The following NEO1 variants were observed in gnomAD, a reference collection of about 807,000 sequenced individuals.
NEO1 encodes the protein neogenin.
A neutral mutation model predicts 159.7 loss-of-function variants in NEO1; 63 were observed. The observed-to-expected ratio is 0.39, with a 90% CI of 0.32 to 0.49. The LOEUF (loss-of-function observed/expected upper bound fraction) is 0.49. Ranked by LOEUF, NEO1 falls within the 20% of genes least tolerant of loss-of-function variation. The pLI is 0.85. For synonymous variants in NEO1, 633 were observed against 662.0 expected, an observed-to-expected ratio of 0.96 and a Z score of 0.67; for missense variants, 1,615 against 1,831.0, an observed-to-expected ratio of 0.88 and a Z score of 2.15.
chr15:73,143,839 C>T (rs748055077), intron 5 of NEO1, among the ~76,000 whole-genome samples: 2 of 152,138 alleles, frequency 1.3e-5, no homozygotes, highest in Non-Finnish European at 2.9e-5. Context: ...TTTTCTTAAC[C>T]ATCCCCTCAT....
chr15:73,131,356 G>A (rs1021230090), intron 4 of NEO1, among the ~76,000 whole-genome samples: 2 of 152,122 alleles, frequency 1.3e-5, no homozygotes, highest in African/African-American at 4.8e-5. Flanking sequence ...CGAAGAAAGA[G>A]GTCTCCTCAG....
intron 13 of NEO1, among the ~76,000 whole-genome samples, chr15:73,256,896 C>T (rs2040380686): frequency 6.6e-6 from 1 of 151,910 alleles, no homozygotes; most frequent in African/African-American, 2.4e-5. Context: ...TGAGACCAGC[C>T]TGAGCAACAT....
chr15:73,264,301 T>G (rs1380085932), intron 15 of NEO1, among the ~76,000 whole-genome samples: 2 of 152,186 alleles, frequency 1.3e-5, no homozygotes, highest in Non-Finnish European at 2.9e-5. Flanking sequence ...GATCTTCAGG[T>G]GCTTTCAGTC....
intron 7 of NEO1, among the ~76,000 whole-genome samples, chr15:73,180,515 C>T (rs1452427671): frequency 6.6e-6 from 1 of 152,096 alleles, no homozygotes; most frequent in Admixed American, 6.6e-5. Context: ...TTTCTTTTTA[C>T]TTGTGGCAGT....
chr15:73,145,095 A>G (rs1242492900), intron 5 of NEO1, among the ~76,000 whole-genome samples: 1 of 152,214 alleles, frequency 6.6e-6, no homozygotes, highest in African/African-American at 2.4e-5. Flanking sequence ...GCAATGATAT[A>G]AATGGTGCTT....
chr15:73,056,176 C>T (rs1165572547), intron 1 of NEO1, among the ~76,000 whole-genome samples: 1 of 152,224 alleles, frequency 6.6e-6, no homozygotes, highest in African/African-American at 2.4e-5. Flanking sequence ...AATAAAGCCT[C>T]ATCTCTTGTC....
intron 7 of NEO1, among the ~76,000 whole-genome samples, chr15:73,198,916 A>T (rs2036694054): frequency 6.6e-6 from 1 of 151,580 alleles, no homozygotes; most frequent in Non-Finnish European, 1.5e-5. Flanking sequence ...CCCTATATTT[A>T]ACATCTTAAT....
intron 1 of NEO1, among the ~76,000 whole-genome samples, chr15:73,097,988 A>G (rs538358035): frequency 6.6e-6 from 1 of 152,078 alleles, no homozygotes; most frequent in South Asian, 2.1e-4. Context: ...TTATACTTTA[A>G]TGTTACTGAT....
At chr15:73,101,860 C>G (rs2070419267) in intron 1 of NEO1, among the ~76,000 whole-genome samples, 1 of 152,190 alleles carries the variant, frequency 6.6e-6, no homozygotes. Context: ...GCTCAAGTCT[C>G]TCCTCTATTG....
intron 7 of NEO1, among the ~76,000 whole-genome samples, chr15:73,215,698 G>A (rs894937522): frequency 3.9e-5 from 6 of 152,080 alleles, no homozygotes; most frequent in African/African-American, 9.7e-5. Context: ...ATTTTGTTAC[G>A]GATTTTAGCA....
chr15:73,278,168 C>G lies in NEO1; in HGVS notation c.3231C>G (p.Asp1077Glu). ...GSGGKGSRLP[D>E]LGSDYKPPMS... ...GAGGGAAAGGAAGCCGGCTGCCAGA[C>G]CTAGGATCCGACTACAAACCTCCAA... The change falls in exon 22 of 29, where the codon GAC (aspartate) becomes GAG (glutamate). Residue 1077 changes from aspartate to glutamate, a missense_variant. Asp to Glu is a conservative substitution (Grantham distance 45). Coordinates refer to ENST00000261908, the MANE Select transcript of NEO1 (RefSeq NM_002499.4). 1 of 1,613,258 alleles carries G rather than the reference C, an allele frequency of 6.2e-7. No homozygotes were observed. The highest frequency in any genetic ancestry group is 1.1e-5 in the South Asian group (1 of 91,000).
intron 5 of NEO1, among the ~76,000 whole-genome samples, chr15:73,173,780 A>G (rs2035115121): frequency 6.6e-6 from 1 of 152,192 alleles, no homozygotes; most frequent in Non-Finnish European, 1.5e-5. Context: ...TATACTAGGC[A>G]TTTGAACAGA....
intron 6 of NEO1, among the ~76,000 whole-genome samples, chr15:73,177,612 T>G (rs1467250122): frequency 1.3e-5 from 2 of 152,198 alleles, no homozygotes; most frequent in Non-Finnish European, 2.9e-5. Flanking sequence ...AGTGGTTTGA[T>G]CATAGCTCAC....
At chr15:73,125,712 A>G (rs760673133) in intron 3 of NEO1, among the ~76,000 whole-genome samples, 30 of 152,202 alleles carry the variant, frequency 2.0e-4, no homozygotes, top group Non-Finnish European at 4.1e-4. Flanking sequence ...GGACAACTCT[A>G]TAAAGTGAAC....
chr15:73,112,116 A>G (rs2071030924), intron 1 of NEO1, among the ~76,000 whole-genome samples: 2 of 152,148 alleles, frequency 1.3e-5, no homozygotes, highest in African/African-American at 4.8e-5. Context: ...ATAATCATAT[A>G]CATATGAAAT....
rs767780218 is a variant in NEO1, at chr15:73,181,443, G to A, written c.1291+3016G>A. On this transcript the variant is annotated intron_variant, in intron 7 of 28. Transcript: ENST00000261908. ...TTCTTGCATTGCTATAAAGAAATAC[G>A]TGAGGCTAGGTAATTTATAAAGAAA... Among the ~76,000 whole-genome samples the A allele has an allele frequency of 2.4e-4, 36 of 152,132 alleles. 1 individual carries two copies. The highest frequency in any genetic ancestry group is 6.8e-4 in the African/African-American group (28 of 41,434).
chr15:73,089,177 T>C (rs2069537416), intron 1 of NEO1, among the ~76,000 whole-genome samples: 1 of 152,174 alleles, frequency 6.6e-6, no homozygotes, highest in Non-Finnish European at 1.5e-5. Context: ...TTATGTTTGA[T>C]TAAAAGCAAT....
chr15:73,053,187 GC>G (rs1356046950), intron 1 of NEO1, among the ~76,000 whole-genome samples: 2 of 152,108 alleles, frequency 1.3e-5, no homozygotes, highest in African/African-American at 2.4e-5. Flanking sequence ...CAATCAGACG[GC>G]CAATTCATTA....
At chr15:73,285,266 T>A (rs928730885) in intron 23 of NEO1, among the ~76,000 whole-genome samples, 2 of 151,950 alleles carry the variant, frequency 1.3e-5, no homozygotes, top group African/African-American at 4.8e-5. Context: ...ATTACAGGCA[T>A]GTGCCACCAT....
Sources: gnomAD v4.1 joint callset for allele counts (sites outside exome capture counted in the v4.1 genomes callset) on GRCh38, gnomAD v4.1.1 for gene constraint, MANE v1.5 for transcripts, NCBI Gene and HGNC (gene_info 2026-07-23, HGNC 2026-07-21) for gene names.